PRKG1: variants seen among roughly 807,000 people sequenced by gnomAD.
The protein encoded by PRKG1 is protein kinase cGMP-dependent 1, also known as cGMP-dependent protein kinase 1.
Under a neutral mutation model 88.1 loss-of-function variants are expected in PRKG1, and 35 were observed. That is an observed-to-expected ratio of 0.40 (90% CI 0.30 to 0.53). PRKG1 has a LOEUF of 0.53. Ranked by LOEUF, PRKG1 falls within the 20% of genes least tolerant of loss-of-function variation. The probability of loss-of-function intolerance (pLI) is 0.59; values close to 1 mark genes in which losing one functional copy is unlikely to be tolerated. For missense variants in PRKG1, 540 were observed against 839.8 expected (o/e 0.64, Z 4.41); for synonymous variants, 303 against 292.5 (o/e 1.04, Z -0.37).
At chr10:51,433,614 A>G (rs1012745388) in intron 2 of PRKG1, among the ~76,000 whole-genome samples, 4 of 151,746 alleles carry the variant, frequency 2.6e-5, no homozygotes, top group African/African-American at 9.7e-5. Flanking sequence ...GTAAAATACT[A>G]GACACCAGCA....
intron 9 of PRKG1, among the ~76,000 whole-genome samples, chr10:52,240,357 G>C (rs1257755461): frequency 2.0e-5 from 3 of 152,056 alleles, no homozygotes; most frequent in Non-Finnish European, 2.9e-5. Flanking sequence ...CAAAACACTT[G>C]TCAAGTATTT....
chr10:51,708,920 G>T (rs1194030763), intron 3 of PRKG1, among the ~76,000 whole-genome samples: 1 of 152,086 alleles, frequency 6.6e-6, no homozygotes, highest in East Asian at 1.9e-4. Context: ...ACTGGTTACT[G>T]CTGAATGTCT....
At chr10:51,604,734 TGCAGACAG>T (rs750651563) in intron 3 of PRKG1, among the ~76,000 whole-genome samples, 27 of 152,178 alleles carry the variant, frequency 1.8e-4, no homozygotes, top group Non-Finnish European at 3.2e-4. Context: ...AGGGGGAGCA[TGCAGACAG>T]GCAGGTGCAG....
rs114137862 is a variant in PRKG1, at chr10:51,586,607, G to A, written c.592+118771G>A. Among the ~76,000 whole-genome samples, 538 of 152,264 alleles carry A rather than the reference G, an allele frequency of 3.5e-3. 3 individuals are homozygous for A. The highest frequency in any genetic ancestry group is 0.017 in the Middle Eastern group (5 of 294). ...GCTAAGCTAAGTCTTCCCCAACAAA[G>A]TGGTTTTGTCCATGCTTAGGTTAGA... On this transcript the variant is annotated intron_variant, in intron 3 of 17. Coordinates refer to ENST00000373980, the MANE Select transcript of PRKG1 (RefSeq NM_006258.4).
At chr10:51,477,439 G>C (rs1192905659) in intron 3 of PRKG1, among the ~76,000 whole-genome samples, 1 of 151,716 alleles carries the variant, frequency 6.6e-6, no homozygotes, top group Non-Finnish European at 1.5e-5. Context: ...GAGAAGAATA[G>C]TTCCGAGCAT....
At chr10:51,825,027 T>A (rs2879613) in intron 4 of PRKG1, among the ~76,000 whole-genome samples, 31,770 of 151,988 alleles carry the variant, frequency 0.21, 5,314 homozygotes, top group African/African-American at 0.47. Context: ...CTGGGGCCTT[T>A]ATCTGTATAA....
intron 3 of PRKG1, among the ~76,000 whole-genome samples, chr10:51,475,152 C>G (rs1445901845): frequency 6.6e-6 from 1 of 151,960 alleles, no homozygotes; most frequent in African/African-American, 2.4e-5. Context: ...CTCCTTTACT[C>G]CTTCTGCTCC....
intron 9 of PRKG1, among the ~76,000 whole-genome samples, chr10:52,177,747 A>G (rs1838902857): frequency 6.6e-6 from 1 of 152,020 alleles, no homozygotes; most frequent in African/African-American, 2.4e-5. Context: ...CCAGGAATTT[A>G]TCCATTTTCT....
At chr10:51,696,942 T>C (rs1376422534) in intron 3 of PRKG1, 1 of 152,064 alleles carries the variant, frequency 6.6e-6, no homozygotes, top group Non-Finnish European at 1.5e-5. Flanking sequence ...GAGACTGGGT[T>C]TCATCAGAGC....
At position 52,288,960 on chromosome 10, in the gene PRKG1, T is replaced by C; in HGVS notation, c.1862T>C (p.Leu621Ser). ...RDNPSERLGN[L>S]KNGVKDIQKH... ...AATCCATCAGAAAGATTAGGGAATTTGAAAAATGGAGTAAAAGACATTCAA... is the reference window on the plus strand; with the variant it reads ...AATCCATCAGAAAGATTAGGGAATTCGAAAAATGGAGTAAAAGACATTCAA... The change falls in exon 16 of 18, where the codon TTG becomes TCG. Residue 621 changes from leucine to serine, a missense_variant. This residue lies in a region of PRKG1 where 97 missense variants were observed against 210.6 expected (regional missense o/e 0.46). Transcript: ENST00000373980. 1 of 1,609,742 alleles carries C rather than the reference T, an allele frequency of 6.2e-7. No individual in the cohort carries two copies. Among genetic ancestry groups the C allele is most frequent in the Non-Finnish European group, 8.5e-7 (1 of 1,177,362 alleles).
intron 2 of PRKG1, among the ~76,000 whole-genome samples, chr10:51,196,851 T>G (rs1837780726): frequency 6.6e-6 from 1 of 152,180 alleles, no homozygotes; most frequent in Non-Finnish European, 1.5e-5. Flanking sequence ...AATATAAAAT[T>G]TGTTTTATCC....
chr10:51,884,275 T>C (rs1173519339), intron 4 of PRKG1, among the ~76,000 whole-genome samples: 1 of 148,500 alleles, frequency 6.7e-6, no homozygotes, highest in African/African-American at 2.5e-5. Context: ...TGAAACCCCG[T>C]CTCTACTAAA....
chr10:51,589,519 G>A (rs1328633087), intron 3 of PRKG1, among the ~76,000 whole-genome samples: 4 of 152,106 alleles, frequency 2.6e-5, no homozygotes, highest in African/African-American at 9.7e-5. Context: ...AGCTACTCAG[G>A]AAGCAGAGAC....
At chr10:51,038,777 G>A (rs746361575) in intron 1 of PRKG1, among the ~76,000 whole-genome samples, 1 of 151,970 alleles carries the variant, frequency 6.6e-6, no homozygotes, top group Non-Finnish European at 1.5e-5. Flanking sequence ...GAATAGTGCA[G>A]CAATAAACAG....
chr10:52,062,056 C>T (rs190046864), intron 6 of PRKG1, among the ~76,000 whole-genome samples: 209 of 151,446 alleles, frequency 1.4e-3, no homozygotes, highest in Middle Eastern at 3.4e-3. Context: ...AAAACTCATA[C>T]GTTAAAATGA....
chr10:52,085,605 G>T (rs1254045405), intron 7 of PRKG1, among the ~76,000 whole-genome samples: 1 of 151,772 alleles, frequency 6.6e-6, no homozygotes, highest in African/African-American at 2.4e-5. Context: ...TATATTTTCT[G>T]TCTCAACTTT....
intron 9 of PRKG1, among the ~76,000 whole-genome samples, chr10:52,229,187 C>T (rs1270541415): frequency 1.3e-5 from 2 of 151,970 alleles, no homozygotes; most frequent in African/African-American, 4.8e-5. Flanking sequence ...AATGTCCCCC[C>T]AATAAACATT....
chr10:51,907,758 A>C, intron 5 of PRKG1, 188 bp downstream of exon 5: 1 of 481,102 alleles, frequency 2.1e-6, no homozygotes, highest in East Asian at 3.2e-5. Flanking sequence ...ATATGCAGAA[A>C]GGTGCAAATC....
intron 3 of PRKG1, among the ~76,000 whole-genome samples, chr10:51,639,855 G>A (rs1839755232): frequency 6.6e-6 from 1 of 152,040 alleles, no homozygotes. Flanking sequence ...TAAAGCTTTT[G>A]AATCTTTGGA....
Sources: gnomAD v4.1 joint callset for allele counts (sites outside exome capture counted in the v4.1 genomes callset) on GRCh38, gnomAD v4.1.1 for gene constraint, gnomAD v4.1.1 regional missense constraint, MANE v1.5 for transcripts, NCBI Gene and HGNC (gene_info 2026-07-23, HGNC 2026-07-21) for gene names.